Variants in GCA observed in about 807,000 individuals in gnomAD.
The protein encoded by GCA is grancalcin, also known as grancalcin, EF-hand calcium-binding protein.
In GCA, 30 loss-of-function variants were observed where a neutral mutation model predicts 32.6. The observed-to-expected ratio is 0.92, with a 90% CI of 0.69 to 1.25. The LOEUF is 1.25. GCA is among the 50% of genes most tolerant of loss of function. The pLI, the probability that GCA is intolerant of heterozygous loss-of-function variation, is 0.00. For missense variants in GCA, 291 were observed against 266.8 expected (o/e 1.09, Z -0.63); for synonymous variants, 102 against 84.6 (o/e 1.21, Z -1.13).
chr2:162,353,922 G>C (rs1685125728), intron 3 of GCA, among the ~76,000 whole-genome samples: 1 of 151,444 alleles, frequency 6.6e-6, no homozygotes, highest in Non-Finnish European at 1.5e-5. Context: ...AACTTTTTGG[G>C]AATTTTCCTC....
At chr2:162,350,792 A>G (rs1464196840) in intron 2 of GCA, among the ~76,000 whole-genome samples, 2 of 152,222 alleles carry the variant, frequency 1.3e-5, no homozygotes, top group African/African-American at 2.4e-5. Context: ...TTCTGGTCAT[A>G]TTTTCCCTAC....
chr2:162,351,204 A>T (rs529970943), intron 2 of GCA, among the ~76,000 whole-genome samples: 6 of 152,268 alleles, frequency 3.9e-5, no homozygotes, highest in African/African-American at 1.4e-4. Context: ...AACAACTTTA[A>T]CTTTTGTATG....
At chr2:162,325,379 T>C (rs1442594788) in intron 1 of GCA, among the ~76,000 whole-genome samples, 1 of 152,172 alleles carries the variant, frequency 6.6e-6, no homozygotes, top group African/African-American at 2.4e-5. Flanking sequence ...TAACATACTG[T>C]CTGCTCCTGG....
chr2:162,351,723 C>T (rs1188189107), intron 2 of GCA, among the ~76,000 whole-genome samples: 3 of 152,066 alleles, frequency 2.0e-5, no homozygotes, highest in African/African-American at 7.2e-5. Flanking sequence ...TTATTTTTGT[C>T]AAAAACAGGA....
chr2:162,345,711 G>T (rs550629516), intron 1 of GCA, among the ~76,000 whole-genome samples: 1 of 152,304 alleles, frequency 6.6e-6, no homozygotes, highest in South Asian at 2.1e-4. Context: ...ACCCTCAATA[G>T]CTGAAGCAAT....
intron 1 of GCA, among the ~76,000 whole-genome samples, chr2:162,326,302 C>T (rs1215651300): frequency 6.6e-6 from 1 of 152,168 alleles, no homozygotes; most frequent in African/African-American, 2.4e-5. Flanking sequence ...TGGTCCCTTC[C>T]AGAGGCCAAG....
chr2:162,320,802 T>C (rs1311224773), intron 1 of GCA, among the ~76,000 whole-genome samples: 1 of 151,988 alleles, frequency 6.6e-6, no homozygotes, highest in African/African-American at 2.4e-5. Context: ...CTAATGGGAG[T>C]GGGAAGATAG....
intron 1 of GCA, among the ~76,000 whole-genome samples, chr2:162,346,913 T>C (rs76096789): frequency 1.6e-3 from 244 of 152,298 alleles, no homozygotes; most frequent in African/African-American, 5.7e-3. Context: ...ATCCCACATA[T>C]ATAAACTGTA....
At chr2:162,333,056 T>C (rs1467070696) in intron 1 of GCA, among the ~76,000 whole-genome samples, 1 of 152,134 alleles carries the variant, frequency 6.6e-6, no homozygotes, top group African/African-American at 2.4e-5. Flanking sequence ...TATCAGGGCT[T>C]TCTTAGACTG....
rs1217707021 is a variant in GCA at position 162,346,800 on chromosome 2, G to A, written c.28-778G>A. 3 of 152,312 alleles carry A rather than the reference G, an allele frequency of 2.0e-5. No individual in the cohort carries two copies. In the East Asian group the frequency reaches 5.8e-4, roughly 29 times the overall value. The allele number at this position is 152,312 out of a possible 1,614,324, so 9.4% of individuals were successfully genotyped here. A position where few individuals can be genotyped will look rare whatever the true frequency, so the allele number is the denominator to read the frequency against. On this transcript the variant is annotated intron_variant, in intron 1 of 7. Transcript: ENST00000437150. ...GGAAAGGCTTAGACAATATTTTCAT[G>A]TCCAAGCCTTTCATGTTGCTTTGCA... is the stretch of plus-strand genomic sequence containing the variant.
downstream of GCA, chr2:162,371,950 C>T (rs374095828): frequency 3.2e-5 from 52 of 1,613,718 alleles, no homozygotes; most frequent in African/African-American, 4.1e-4. Context: ...TTTTCTTTGC[C>T]GCAGGTGAAG....
intron 1 of GCA, among the ~76,000 whole-genome samples, chr2:162,323,488 G>T (rs6432715): frequency 6.6e-6 from 1 of 151,484 alleles, no homozygotes; most frequent in Non-Finnish European, 1.5e-5. Context: ...TTGCCCATGC[G>T]TATGTCCTGA....
chr2:162,348,384 A>G (rs542353804), intron 2 of GCA, among the ~76,000 whole-genome samples: 1 of 152,296 alleles, frequency 6.6e-6, no homozygotes, highest in South Asian at 2.1e-4. Context: ...ATCACTTCAG[A>G]GTCTCGTAAA....
chr2:162,342,575 G>A (rs2105297677), upstream of GCA, among the ~76,000 whole-genome samples: 1 of 152,296 alleles, frequency 6.6e-6, no homozygotes, highest in South Asian at 2.1e-4. Context: ...GCTAGCAAAC[G>A]TACCCAAACT....
chr2:162,370,378 C>T (rs1299802103), intron 4 of GCA, among the ~76,000 whole-genome samples: 1 of 152,056 alleles, frequency 6.6e-6, no homozygotes, highest in Admixed American at 6.6e-5. Context: ...AATAACATTT[C>T]TTAACTAGAA....
At chr2:162,340,522 C>A (rs566902050), upstream of GCA, among the ~76,000 whole-genome samples, 1 of 152,338 alleles carries the variant, frequency 6.6e-6, no homozygotes, top group East Asian at 1.9e-4. Context: ...TGTTTCTACA[C>A]TAACCTCCTT....
downstream of GCA, among the ~76,000 whole-genome samples, chr2:162,367,324 G>GT (rs910892116): frequency 1.3e-5 from 2 of 151,810 alleles, no homozygotes; most frequent in African/African-American, 4.8e-5. Context: ...CATTGCAACT[G>GT]TAAAATTATA....
At chr2:162,338,820 T>C (rs1238821049) in intron 1 of GCA, among the ~76,000 whole-genome samples, 11 of 152,214 alleles carry the variant, frequency 7.2e-5, no homozygotes, top group Non-Finnish European at 2.9e-5. Flanking sequence ...ATTATCTACA[T>C]ATATATAATT....
intron 1 of GCA, among the ~76,000 whole-genome samples, chr2:162,338,676 C>T (rs979925119): frequency 4.6e-5 from 7 of 152,130 alleles, no homozygotes; most frequent in East Asian, 3.9e-4. Flanking sequence ...TTCATAAGCA[C>T]GCAACTTGGA....
Sources: allele counts gnomAD v4.1 joint callset (sites outside exome capture counted in the v4.1 genomes callset), GRCh38; gene constraint gnomAD v4.1.1; transcripts MANE v1.5; gene names NCBI Gene and HGNC (gene_info 2026-07-23, HGNC 2026-07-21).